The following PDE4A variants were observed in gnomAD, a reference collection of about 807,000 sequenced individuals.
The protein encoded by PDE4A is phosphodiesterase 4A, also known as 3',5'-cyclic-AMP phosphodiesterase 4A.
In PDE4A, 21 loss-of-function variants were observed where a neutral mutation model predicts 73.9. The ratio of observed to expected loss-of-function variants is 0.28; its 90% confidence interval spans 0.20 to 0.41. The LOEUF (loss-of-function observed/expected upper bound fraction) is 0.41, where lower values mean the gene tolerates loss of function less well. PDE4A is among the 10% of genes least tolerant of loss of function. The pLI is 1.00. For missense variants in PDE4A, 958 were observed against 1,211.4 expected, an observed-to-expected ratio of 0.79 and a Z score of 3.10; for synonymous variants, 463 against 505.4, an observed-to-expected ratio of 0.92 and a Z score of 1.13.
At position 10,465,683 on chromosome 19, in the gene PDE4A, C is replaced by CTTTTTTTTTTTTTTT. The variant is rs749126870; in HGVS notation, c.1927-1184_1927-1170dup. On this transcript the variant is annotated intron_variant, in intron 14 of 14. Transcript: ENST00000380702. ...TCATAGCAATAGTTTGTGGCTTTAG[C>CTTTTTTTTTTTTTTT]TTTTTTTTTTTTTTTTTTTTTTTTT... Among the ~76,000 whole-genome samples the CTTTTTTTTTTTTTTT allele has an allele frequency of 7.2e-4, 35 of 48,380 alleles. 4 individuals carry two copies. Among genetic ancestry groups the CTTTTTTTTTTTTTTT allele is most frequent in the African/African-American group, 1.1e-3 (14 of 12,352 alleles). 31.7% of individuals were successfully genotyped at this position (48,380 alleles called of 152,430 possible). A position where few individuals can be genotyped will look rare whatever the true frequency, so the allele number is the denominator to read the frequency against.
intron 7 of PDE4A, among the ~76,000 whole-genome samples, chr19:10,455,737 T>G (rs2043160084): frequency 6.6e-6 from 1 of 150,788 alleles, no homozygotes; most frequent in Non-Finnish European, 1.5e-5. Flanking sequence ...CACTCCAGCC[T>G]GGGCAACAGA....
rs1568387956 is a variant in PDE4A at position 10,467,331 on chromosome 19, G to A, written c.2371G>A (p.Val791Met). ...QQAQSTGSAPVAPDEFSSREE... is the reference protein window; with the variant it reads ...QQAQSTGSAPMAPDEFSSREE... ...GGCACAGTCCACAGGCAGTGCACCT[G>A]TGGCTCCGGATGAGTTCTCGTCCCG... The change falls in exon 15 of 15, where the codon GTG (valine) becomes ATG (methionine). Residue 791 changes from valine (V) to methionine (M), a missense_variant. By Grantham distance (21) the Val-to-Met change is conservative. Transcript: ENST00000380702. 6.2e-7 allele frequency: 1 copy of A among 1,614,184 alleles called. No individual in the cohort carries two copies. Among genetic ancestry groups the A allele is most frequent in the Admixed American group, 1.7e-5 (1 of 60,006 alleles).
intron 6 of PDE4A, among the ~76,000 whole-genome samples, chr19:10,452,100 T>C (rs2043100201): frequency 6.6e-6 from 1 of 151,228 alleles, no homozygotes; most frequent in Admixed American, 6.6e-5. Context: ...TATGGATTTG[T>C]CGGGATATGT....
At chr19:10,420,492 G>A, upstream of PDE4A, 1 of 889,570 alleles carries the variant, frequency 1.1e-6, no homozygotes. This position sits in a 1 kb window ranked among gnomAD's most constrained non-coding sequence, Gnocchi z 6.0. Flanking sequence ...GGAGGAGCCG[G>A]GGCTGGCGCC....
chr19:10,440,788 A>T (rs2042926856), intron 1 of PDE4A, among the ~76,000 whole-genome samples: 1 of 151,804 alleles, frequency 6.6e-6, no homozygotes, highest in Admixed American at 6.6e-5. Context: ...TAGTAGAGAC[A>T]GGGTTTTCAC....
At chr19:10,448,218 G>A (rs920144444) in intron 2 of PDE4A, among the ~76,000 whole-genome samples, 14 of 151,358 alleles carry the variant, frequency 9.2e-5, no homozygotes, top group African/African-American at 3.4e-4. Context: ...TCCTGCCTCA[G>A]CCTCCCAAGT....
chr19:10,420,935 G>T lies in PDE4A; in HGVS notation c.171G>T (p.Arg57=). ...GYSDSAERAE[R]ERQPHRPIER... is the part of the protein sequence containing the mutation. Reference sequence around the variant, plus strand: ...CCGACAGCGCGGAGCGCGCCGAGCGGGAGCGGCAGCCGCACCGGCCCATAG... The same window carrying T: ...CCGACAGCGCGGAGCGCGCCGAGCGTGAGCGGCAGCCGCACCGGCCCATAG... The change falls in exon 1 of 15, where the codon CGG becomes CGT. Residue 57 remains arginine (R), a synonymous_variant. Coordinates refer to ENST00000380702, the MANE Select transcript of PDE4A (RefSeq NM_001111307.2). This position sits in a 1 kb window ranked among gnomAD's most constrained non-coding sequence, Gnocchi z 6.0. The T allele has an allele frequency of 6.4e-7, 1 of 1,573,544 alleles. No homozygotes were observed.
At chr19:10,441,681 G>GTT (rs1200442230) in intron 1 of PDE4A, among the ~76,000 whole-genome samples, 58 of 131,778 alleles carry the variant, frequency 4.4e-4, no homozygotes, top group East Asian at 1.7e-3. Flanking sequence ...GTCATTTTGA[G>GTT]TTATTTTTTT....
chr19:10,417,110 T>C (rs2042595793), upstream of PDE4A: 1 of 1,452,282 alleles, frequency 6.9e-7, no homozygotes, highest in African/African-American at 1.4e-5. Flanking sequence ...TGTGAGGAGT[T>C]TGGTCCCCTC....
rs775730053 is a variant in PDE4A at position 10,461,659 on chromosome 19, A to C, written c.1599A>C (p.Leu533=). 3.5e-6 allele frequency: 4 copies of C among 1,143,022 alleles called. No homozygotes were observed. Among genetic ancestry groups the C allele is most frequent in the African/African-American group, 1.6e-5 (1 of 61,188 alleles). 70.8% of individuals were successfully genotyped at this position (1,143,022 alleles called of 1,614,324 possible). A position where few individuals can be genotyped will look rare whatever the true frequency, so the allele number is the denominator to read the frequency against. Residue 533 remains leucine, a synonymous_variant, in exon 12 of 15, where the codon CTA becomes CTC. Transcript: ENST00000380702. ...QNLSKRQRQS[L]RKMVIDMVLA... is the part of the protein sequence containing the mutation. ...TCAGCAAGCGCCAGCGGCAGAGCCT[A>C]CGCAAGATGGTCATCGACATGGTGG...
Position 10,467,795 on chromosome 19 carries a change from C to T in PDE4A, c.*174C>T, listed in dbSNP as rs1207435059. 14 of 458,396 alleles carry T rather than the reference C, an allele frequency of 3.1e-5. No individual in the cohort carries two copies. The highest frequency in any genetic ancestry group is 5.2e-5 in the Non-Finnish European group (14 of 271,066). 28.4% of individuals were successfully genotyped at this position (458,396 alleles called of 1,614,324 possible). ...TTTTTCCCCTTTCCCCCTGCCCCCA[C>T]CCACGGGGCCTTTTTTTGGAGGTGG... On this transcript the variant is annotated 3_prime_UTR_variant, in exon 15 of 15. Coordinates refer to ENST00000380702, the MANE Select transcript of PDE4A (RefSeq NM_001111307.2).
In PDE4A at chr19:10,424,797, C is replaced by T. The variant is rs2042696084; in HGVS notation, c.320+3713C>T. 6.6e-6 allele frequency among the ~76,000 whole-genome samples: 1 copy of T among 152,246 alleles called. No individual in the cohort carries two copies. Among genetic ancestry groups the T allele is most frequent in the African/African-American group, 2.4e-5 (1 of 41,466 alleles). The stretch of plus-strand genomic sequence containing the variant: ...GCCGAAAAGTTGCAGCCGTGGAGTT[C>T]CCGTCCCGCCTCTGCGCGCTTGCCC... On this transcript the variant is annotated intron_variant, in intron 1 of 14. Transcript: ENST00000380702. The surrounding 1 kb of genome is among the most constrained non-coding windows in gnomAD (Gnocchi z 4.8).
At chr19:10,433,708 C>T (rs536917892) in intron 1 of PDE4A, among the ~76,000 whole-genome samples, 16 of 152,356 alleles carry the variant, frequency 1.1e-4, no homozygotes, top group Admixed American at 3.9e-4. Context: ...GCTGTGTCAC[C>T]TGGCACTACG....
At chr19:10,425,548 T>C (rs2042706560) in intron 1 of PDE4A, among the ~76,000 whole-genome samples, 1 of 152,216 alleles carries the variant, frequency 6.6e-6, no homozygotes, top group Non-Finnish European at 1.5e-5. Context: ...AGGTGCCCCA[T>C]ATTTCATTGG....
chr19:10,422,667 C>T (rs2042666038), intron 1 of PDE4A, among the ~76,000 whole-genome samples: 1 of 152,108 alleles, frequency 6.6e-6, no homozygotes. Context: ...CCAGGCCACC[C>T]CCACCTCTGT....
intron 6 of PDE4A, 28 bp downstream of exon 6, chr19:10,450,969 G>C: frequency 6.4e-7 from 1 of 1,555,502 alleles, no homozygotes; most frequent in South Asian, 1.2e-5. Flanking sequence ...AGAACCCCTG[G>C]GCGGGGCAGG....
intron 4 of PDE4A, 136 bp from the exon 5 acceptor site, chr19:10,450,467 G>GAGT: frequency 2.1e-6 from 3 of 1,433,376 alleles, no homozygotes; most frequent in Non-Finnish European, 2.7e-6. Flanking sequence ...GCTGCAGGCA[G>GAGT]AGTACATGGC....
chr19:10,445,645 G>A (rs904970815), intron 1 of PDE4A, among the ~76,000 whole-genome samples: 5 of 151,608 alleles, frequency 3.3e-5, no homozygotes, highest in African/African-American at 1.2e-4. Context: ...GTGCATGTCT[G>A]TAATCCCAGC....
At chr19:10,417,190 G>A (rs2042596411), upstream of PDE4A, 4 of 984,210 alleles carry the variant, frequency 4.1e-6, no homozygotes, top group Non-Finnish European at 3.6e-6. Flanking sequence ...CCGGCCCAGG[G>A]ACAGCAGGCA....
Sources: gnomAD v4.1 joint callset for allele counts (sites outside exome capture counted in the v4.1 genomes callset) on GRCh38, gnomAD v4.1.1 for gene constraint, Gnocchi (gnomAD v3.1) non-coding constraint, MANE v1.5 for transcripts, NCBI Gene and HGNC (gene_info 2026-07-23, HGNC 2026-07-21) for gene names.